MAF: variants seen among roughly 807,000 people sequenced by gnomAD.
MAF encodes transcription factor Maf.
MAF carries 10 observed loss-of-function variants against 22.0 expected under a neutral mutation model. That is an observed-to-expected ratio of 0.45 (90% CI 0.28 to 0.77). MAF has a LOEUF of 0.77. MAF is among the 30% of genes least tolerant of loss of function. The probability of loss-of-function intolerance (pLI) is 0.12; values close to 1 mark genes in which losing one functional copy is unlikely to be tolerated. For missense variants in MAF, 544 were observed against 548.4 expected (o/e 0.99, Z 0.08); for synonymous variants, 337 against 255.8 (o/e 1.32, Z -3.03).
At chr16:79,532,197 C>T in the MAF span, among the ~76,000 whole-genome samples, 1 of 152,142 alleles carries the variant, frequency 6.6e-6, no homozygotes, top group African/African-American at 2.4e-5. Context: ...GCATGGTTCT[C>T]CAATTTCTTG....
chr16:79,422,166 C>CCT, the MAF span, among the ~76,000 whole-genome samples: 1 of 152,122 alleles, frequency 6.6e-6, no homozygotes, highest in Non-Finnish European at 1.5e-5. Context: ...AAAATGAAGC[C>CCT]TGAGCTGATG....
chr16:79,277,747 T>A, the MAF span, among the ~76,000 whole-genome samples: 7 of 152,298 alleles, frequency 4.6e-5, no homozygotes, highest in Non-Finnish European at 1.0e-4. Context: ...GTTTATAAAA[T>A]TTGAGACAAC....
chr16:79,285,895 C>A, the MAF span, among the ~76,000 whole-genome samples: 7 of 152,194 alleles, frequency 4.6e-5, no homozygotes, highest in Admixed American at 4.6e-4. Flanking sequence ...AAATTATTCC[C>A]ACTGCACAAC....
At chr16:79,407,623 G>C in the MAF span, among the ~76,000 whole-genome samples, 1 of 152,218 alleles carries the variant, frequency 6.6e-6, no homozygotes, top group African/African-American at 2.4e-5. Flanking sequence ...CCTGTGTTAG[G>C]AAGTCCCCCT....
At chr16:79,292,053 C>T in the MAF span, among the ~76,000 whole-genome samples, 32,310 of 151,594 alleles carry the variant, frequency 0.21, 4,214 homozygotes, top group Admixed American at 0.37. Context: ...GGTATATATA[C>T]CCTAGAACAT....
chr16:79,496,324 A>G, the MAF span, among the ~76,000 whole-genome samples: 110 of 152,358 alleles, frequency 7.2e-4, no homozygotes, highest in African/African-American at 2.6e-3. Context: ...GTATTGTAAC[A>G]AATAAAAGAC....
chr16:79,342,616 C>T, the MAF span, among the ~76,000 whole-genome samples: 1 of 151,484 alleles, frequency 6.6e-6, no homozygotes, highest in Non-Finnish European at 1.5e-5. Context: ...TTGTCACCAT[C>T]ACCATCACCA....
chr16:79,381,405 T>G, the MAF span, among the ~76,000 whole-genome samples: 1 of 152,216 alleles, frequency 6.6e-6, no homozygotes, highest in Middle Eastern at 3.2e-3. Flanking sequence ...TAAGTGTGTT[T>G]GTGATGTGGA....
At chr16:79,246,960 A>G in the MAF span, among the ~76,000 whole-genome samples, 1 of 152,208 alleles carries the variant, frequency 6.6e-6, no homozygotes, top group African/African-American at 2.4e-5. Context: ...TAGACAGGAG[A>G]CAGAGTAAAC....
chr16:79,460,622 A>G, the MAF span, among the ~76,000 whole-genome samples: 3 of 152,268 alleles, frequency 2.0e-5, no homozygotes, highest in African/African-American at 7.2e-5. Context: ...CAATGTTTGG[A>G]TTCAACTTTT....
the MAF span, among the ~76,000 whole-genome samples, chr16:79,338,951 G>A: frequency 1.3e-5 from 2 of 152,316 alleles, no homozygotes; most frequent in South Asian, 4.1e-4. Context: ...ACATTCATCA[G>A]TCCTCTTTGC....
the MAF span, among the ~76,000 whole-genome samples, chr16:79,470,491 A>T: frequency 6.6e-6 from 1 of 152,200 alleles, no homozygotes; most frequent in South Asian, 2.1e-4. Flanking sequence ...AGCCCCCACC[A>T]CAAGTTCCTG....
chr16:79,220,237 C>T, the MAF span, among the ~76,000 whole-genome samples: 26 of 104,574 alleles, frequency 2.5e-4, no homozygotes, highest in Admixed American at 2.8e-3. Flanking sequence ...GCCTGGGCAA[C>T]AGAGTGAGAC....
the MAF span, among the ~76,000 whole-genome samples, chr16:79,561,245 A>T: frequency 6.8e-6 from 1 of 147,716 alleles, no homozygotes; most frequent in Non-Finnish European, 1.5e-5. Flanking sequence ...TATTTTAAAC[A>T]TTTTTTTTTC....
At chr16:79,421,866 C>A in the MAF span, among the ~76,000 whole-genome samples, 1 of 152,218 alleles carries the variant, frequency 6.6e-6, no homozygotes, top group Non-Finnish European at 1.5e-5. Flanking sequence ...CAGCCCCCGC[C>A]TCCCAGGTTC....
chr16:79,402,321 G>C, the MAF span, among the ~76,000 whole-genome samples: 1 of 152,210 alleles, frequency 6.6e-6, no homozygotes, highest in Non-Finnish European at 1.5e-5. Flanking sequence ...ACCCAGGTGT[G>C]GGTGAGAAGG....
chr16:79,446,809 G>A, the MAF span, among the ~76,000 whole-genome samples: 3 of 152,134 alleles, frequency 2.0e-5, no homozygotes, highest in Admixed American at 6.6e-5. Context: ...CACAGGTTGC[G>A]AGTCAGGAGG....
the MAF span, among the ~76,000 whole-genome samples, chr16:79,295,303 GTGAA>G: frequency 6.6e-6 from 1 of 152,032 alleles, no homozygotes; most frequent in East Asian, 1.9e-4. Flanking sequence ...TGAATGATTC[GTGAA>G]TCGGGCGGCC....
chr16:79,489,145 A>C, the MAF span, among the ~76,000 whole-genome samples: 1 of 151,896 alleles, frequency 6.6e-6, no homozygotes, highest in Admixed American at 6.6e-5. Context: ...TCATCCATCC[A>C]TCCACCCATC....
Sources: gnomAD v4.1 joint callset for allele counts (sites outside exome capture counted in the v4.1 genomes callset) on GRCh38, gnomAD v4.1.1 for gene constraint, MANE v1.5 for transcripts, NCBI Gene and HGNC (gene_info 2026-07-23, HGNC 2026-07-21) for gene names.